The following IGF2 variants were observed in gnomAD, a reference collection of about 807,000 sequenced individuals.
IGF2 encodes insulin like growth factor 2.
IGF2 carries 2 observed loss-of-function variants against 12.0 expected under a neutral mutation model. The observed-to-expected ratio is 0.17, with a 90% CI of 0.07 to 0.52. The LOEUF (loss-of-function observed/expected upper bound fraction) is 0.52. IGF2 is among the 20% of genes least tolerant of loss of function. The pLI is 0.95. For missense variants in IGF2, 211 were observed against 268.0 expected (o/e 0.79, Z 1.48); for synonymous variants, 105 against 110.1 (o/e 0.95, Z 0.29).
At position 2,133,205 on chromosome 11, in the gene IGF2, G is replaced by T. The variant is rs774104462; in HGVS notation, c.325C>A (p.Pro109Thr). The part of the protein sequence containing the change: ...TVLPDNFPRY[P>T]VGKFFQYDTW... ...TCATATTGGAAGAACTTGCCCACGG[G>T]GTATCTGGGGAAGTTGTCCTGGGAG... is the stretch of plus-strand genomic sequence containing the variant. Residue 109 changes from proline (P) to threonine (T), a missense_variant, in exon 4 of 4, where the codon CCC (proline) becomes ACC (threonine). Pro to Thr is a conservative substitution (Grantham distance 38). This residue lies in a region of IGF2 where 141 missense variants were observed against 153.1 expected (regional missense o/e 0.92). Coordinates refer to ENST00000416167, the MANE Select transcript of IGF2 (RefSeq NM_000612.6). This position sits in a 1 kb window ranked among gnomAD's most constrained non-coding sequence, Gnocchi z 8.9. 1.3e-6 allele frequency: 2 copies of T among 1,556,484 alleles called. No individual in the cohort carries two copies. Among genetic ancestry groups the T allele is most frequent in the East Asian group, 4.6e-5 (2 of 43,690 alleles).
Position 2,135,520 on chromosome 11 carries a change from C to G in IGF2, c.4G>C (p.Gly2Arg). The G allele has an allele frequency of 5.6e-6, 9 of 1,613,024 alleles. No individual in the cohort carries two copies. Among genetic ancestry groups the G allele is most frequent in the Non-Finnish European group, 7.6e-6 (9 of 1,179,550 alleles). The stretch of plus-strand genomic sequence containing the variant: ...AGCATCGACTTCCCCATTGGGATTC[C>G]CATTGGTGTCTGGGGGCGGGAGAGA... M[G>R]IPMGKSMLVL... Residue 2 changes from glycine to arginine, a missense_variant, in exon 2 of 4, where the codon GGA (glycine) becomes CGA (arginine). Gly to Arg is a moderately radical substitution (Grantham distance 125). This residue lies in a region of IGF2 where 40 missense variants were observed against 35.7 expected (regional missense o/e 1.12). Transcript: ENST00000416167.
At chr11:2,140,560 C>A (rs1343320874), upstream of IGF2, 1 of 500,202 alleles carries the variant, frequency 2.0e-6, no homozygotes, top group African/African-American at 2.1e-5. Context: ...GGGAGCGCCT[C>A]TCCTCCGCGT....
At chr11:2,135,764 C>T (rs991123001) in intron 1 of IGF2, among the ~76,000 whole-genome samples, 2 of 152,218 alleles carry the variant, frequency 1.3e-5, no homozygotes, top group African/African-American at 4.8e-5. Flanking sequence ...AGGCCCAGTT[C>T]CTTCCATTTG....
intron 1 of IGF2, among the ~76,000 whole-genome samples, chr11:2,136,597 G>C (rs867252232): frequency 2.0e-5 from 3 of 152,380 alleles, no homozygotes; most frequent in Middle Eastern, 3.4e-3. Context: ...CCTTCGCTCC[G>C]CAGACCCAGG....
the IGF2 span, chr11:2,147,842 C>T: frequency 2.4e-6 from 3 of 1,231,378 alleles, no homozygotes; most frequent in Middle Eastern, 4.9e-4. This position sits in a 1 kb window ranked among gnomAD's most constrained non-coding sequence, Gnocchi z 7.2. Flanking sequence ...CTGAGATGAC[C>T]TCTTTTAAAA....
chr11:2,138,825 C>A lies in IGF2; in HGVS notation c.-603G>T. 1.1e-6 allele frequency: 1 copy of A among 900,334 alleles called. No individual in the cohort carries two copies. The highest frequency in any genetic ancestry group is 5.2e-5 in the South Asian group (1 of 19,250). The allele number at this position is 900,334 out of a possible 1,614,324, so 55.8% of individuals were successfully genotyped here. The stretch of plus-strand genomic sequence containing the variant: ...GAGGGGCGCGGGGAGCACAGAGAAG[C>A]GGAGGGAAGGGCGCCACGTCGAGGG... On this transcript the variant is annotated 5_prime_UTR_variant, in exon 1 of 4. Coordinates refer to ENST00000416167, the MANE Select transcript of IGF2 (RefSeq NM_000612.6).
At chr11:2,147,929 G>C in the IGF2 span, 2 of 663,704 alleles carry the variant, frequency 3.0e-6, 1 homozygote, top group South Asian at 1.6e-4. The surrounding 1 kb of genome is among the most constrained non-coding windows in gnomAD (Gnocchi z 7.2). Context: ...AGGTCACCTT[G>C]TCAGGATCTG....
rs1380895831 is a variant in IGF2 at position 2,132,039 on chromosome 11, C to CTCGTGTGTGCTGTGT, written c.*947_*948insACACAGCACACACGA. On this transcript the variant is annotated 3_prime_UTR_variant, in exon 4 of 4. Coordinates refer to ENST00000416167, the MANE Select transcript of IGF2 (RefSeq NM_000612.6). ...TCATCTGTGTGCTGTGTGTGCTGTG[C>CTCGTGTGTGCTGTGT]GTTTGTGTGTGTGCTGTGCTCGTGT... 1 of 21,760 alleles carries CTCGTGTGTGCTGTGT rather than the reference C, an allele frequency of 4.6e-5. No homozygotes were observed. The highest frequency in any genetic ancestry group is 2.5e-4 in the African/African-American group (1 of 4,068). The allele number at this position is 21,760 out of a possible 1,614,324, so 1.3% of individuals were successfully genotyped here.
chr11:2,138,680 G>T lies in IGF2; in HGVS notation c.-458C>A. The T allele has an allele frequency of 2.1e-6, 2 of 969,126 alleles. No individual in the cohort carries two copies. Among genetic ancestry groups the T allele is most frequent in the South Asian group, 4.9e-5 (1 of 20,244 alleles). The allele number at this position is 969,126 out of a possible 1,614,324, so 60.0% of individuals were successfully genotyped here. A position where few individuals can be genotyped will look rare whatever the true frequency, so the allele number is the denominator to read the frequency against. ...CGTGTAATTAATCCACTTTGGTTCG[G>T]CGAAGGCGAGAGGGCGGGCGTGAGG... is the stretch of plus-strand genomic sequence containing the variant. On this transcript the variant is annotated 5_prime_UTR_variant, in exon 1 of 4. Transcript: ENST00000416167.
Position 2,138,456 on chromosome 11 carries a change from G to T in IGF2, c.-234C>A. 1.1e-6 allele frequency: 1 copy of T among 907,546 alleles called. No homozygotes were observed. The highest frequency in any genetic ancestry group is 1.3e-6 in the Non-Finnish European group (1 of 764,274). The allele number at this position is 907,546 out of a possible 1,614,324, so 56.2% of individuals were successfully genotyped here. On this transcript the variant is annotated 5_prime_UTR_variant, in exon 1 of 4. The change creates a new upstream start codon in the 5' untranslated region. Coordinates refer to ENST00000416167, the MANE Select transcript of IGF2 (RefSeq NM_000612.6). ...GCTGTCTTCGGGCTGGGGCGGGCCA[G>T]ATGTTGTACTTTTCGGGGGGGAAAA... is the stretch of plus-strand genomic sequence containing the variant.
chr11:2,134,512 C>G (rs1041825767), intron 2 of IGF2, among the ~76,000 whole-genome samples: 2 of 152,270 alleles, frequency 1.3e-5, no homozygotes, highest in Non-Finnish European at 2.9e-5. Flanking sequence ...GCAGCAGGAA[C>G]TTTTCAGAGA....
At chr11:2,135,602 C>A in intron 1 of IGF2, 73 bp from the exon 2 acceptor site, 3 of 1,359,118 alleles carry the variant, frequency 2.2e-6, no homozygotes, top group South Asian at 1.4e-5. Flanking sequence ...CCCTCCCAAA[C>A]CAAATTTGCC....
rs981565366 is a variant in IGF2 at position 2,129,907 on chromosome 11, G to C, written c.*3080C>G. ...TGGCATCACCAGACCCGTGGGCTCCGGGGCCCAAGCAACCTGGTCGATGGG... is the reference window on the plus strand; with the variant it reads ...TGGCATCACCAGACCCGTGGGCTCCCGGGCCCAAGCAACCTGGTCGATGGG... On this transcript the variant is annotated 3_prime_UTR_variant, in exon 4 of 4. Coordinates refer to ENST00000416167, the MANE Select transcript of IGF2 (RefSeq NM_000612.6). The surrounding 1 kb of genome is among the most constrained non-coding windows in gnomAD (Gnocchi z 8.1). 1 of 231,714 alleles carries C rather than the reference G, an allele frequency of 4.3e-6. No homozygotes were observed. The highest frequency in any genetic ancestry group is 8.5e-6 in the Non-Finnish European group (1 of 117,124). 14.4% of individuals were successfully genotyped at this position (231,714 alleles called of 1,614,324 possible).
upstream of IGF2, among the ~76,000 whole-genome samples, chr11:2,145,590 C>T (rs1331234527): frequency 2.0e-5 from 3 of 152,226 alleles, no homozygotes; most frequent in African/African-American, 7.2e-5. Context: ...TGCCTTCCCC[C>T]AGGGGGCCAC....
upstream of IGF2, among the ~76,000 whole-genome samples, chr11:2,145,339 C>T (rs1286663431): frequency 6.6e-6 from 1 of 152,168 alleles, no homozygotes; most frequent in African/African-American, 2.4e-5. Flanking sequence ...AAACCTGGTC[C>T]CCGGGAGAGC....
At chr11:2,146,271 C>G in the IGF2 span, 4 of 534,578 alleles carry the variant, frequency 7.5e-6, no homozygotes, top group South Asian at 4.2e-5. Flanking sequence ...ACCGCTCCGC[C>G]GTCCGTGGGA....
At chr11:2,148,900 T>C in the IGF2 span, 5 of 581,276 alleles carry the variant, frequency 8.6e-6, no homozygotes, top group Non-Finnish European at 1.5e-5. The surrounding 1 kb of genome is among the most constrained non-coding windows in gnomAD (Gnocchi z 4.3). Context: ...AGTGGCTTTG[T>C]GCAGCCCTAA....
intron 1 of IGF2, among the ~76,000 whole-genome samples, chr11:2,137,590 G>A (rs1220157313): frequency 6.6e-6 from 1 of 152,052 alleles, no homozygotes; most frequent in Non-Finnish European, 1.5e-5. Context: ...CCACTGGGCA[G>A]GGGCCGCGGC....
rs1859301690 is a variant in IGF2, at chr11:2,138,768, G to A, written c.-546C>T. 4.2e-6 allele frequency: 4 copies of A among 943,610 alleles called. No individual in the cohort carries two copies. Among genetic ancestry groups the A allele is most frequent in the Non-Finnish European group, 5.0e-6 (4 of 793,916 alleles). 58.5% of individuals were successfully genotyped at this position (943,610 alleles called of 1,614,324 possible). A position where few individuals can be genotyped will look rare whatever the true frequency, so the allele number is the denominator to read the frequency against. ...GGAGGGAGCGAAGGGAAGGTTGCGG[G>A]AGAAAGAGCGGGGGCCGGGGCCAGA... On this transcript the variant is annotated 5_prime_UTR_variant, in exon 1 of 4. Transcript: ENST00000416167.
Sources: gnomAD v4.1 joint callset for allele counts (sites outside exome capture counted in the v4.1 genomes callset) on GRCh38, gnomAD v4.1.1 for gene constraint, gnomAD v4.1.1 regional missense constraint, Gnocchi (gnomAD v3.1) non-coding constraint, MANE v1.5 for transcripts, NCBI Gene and HGNC (gene_info 2026-07-23, HGNC 2026-07-21) for gene names.